Variants in STXBP5 observed in about 807,000 individuals in gnomAD.
The protein encoded by STXBP5 is syntaxin binding protein 5.
In STXBP5, 50 loss-of-function variants were observed where a neutral mutation model predicts 152.4. The ratio of observed to expected loss-of-function variants is 0.33; its 90% CI spans 0.26 to 0.42. The LOEUF (loss-of-function observed/expected upper bound fraction) is 0.42, where lower values mean the gene tolerates loss of function less well. Ranked by LOEUF, STXBP5 falls within the 10% of genes least tolerant of loss-of-function variation. The probability of loss-of-function intolerance (pLI) is 1.00; values close to 1 mark genes in which losing one functional copy is unlikely to be tolerated. For missense variants in STXBP5, 1,167 were observed against 1,388.6 expected (o/e 0.84, Z 2.54); for synonymous variants, 492 against 494.7 (o/e 0.99, Z 0.07).
intron 9 of STXBP5, among the ~76,000 whole-genome samples, chr6:147,300,678 G>GT (rs1195337978): frequency 1.3e-5 from 2 of 152,088 alleles, no homozygotes; most frequent in East Asian, 3.8e-4. Flanking sequence ...AGACTTAAAT[G>GT]TAAGACCTGA....
chr6:147,377,936 A>T (rs1043201684), intron 26 of STXBP5, among the ~76,000 whole-genome samples: 2 of 152,204 alleles, frequency 1.3e-5, no homozygotes, highest in African/African-American at 4.8e-5. Flanking sequence ...AAAAAAAGGA[A>T]TAACACTGAA....
chr6:147,285,906 A>G (rs983784902), intron 8 of STXBP5, among the ~76,000 whole-genome samples: 3 of 152,200 alleles, frequency 2.0e-5, no homozygotes, highest in Non-Finnish European at 4.4e-5. Flanking sequence ...TTTGAACCTA[A>G]ATGTAAAATT....
chr6:147,293,604 A>G (rs979796313), intron 9 of STXBP5, among the ~76,000 whole-genome samples: 1 of 152,200 alleles, frequency 6.6e-6, no homozygotes, highest in Non-Finnish European at 1.5e-5. Flanking sequence ...ATAAAAAGCC[A>G]TCCTTTTATT....
Position 147,260,858 on chromosome 6 carries a change from T to A in STXBP5, c.566+109T>A, listed in dbSNP as rs780745067. 1,137 of 1,323,006 alleles carry A rather than the reference T, an allele frequency of 8.6e-4. 1 individual carries two copies. Among genetic ancestry groups the A allele is most frequent in the Non-Finnish European group, 6.5e-4 (639 of 976,966 alleles). The allele number at this position is 1,323,006 out of a possible 1,614,324, so 82.0% of individuals were successfully genotyped here. A position where few individuals can be genotyped will look rare whatever the true frequency, so the allele number is the denominator to read the frequency against. ...TGTATGGAATTAAATATGTGACAGATGTTCTTAATATTAAGTACAGATTTA... is the reference window on the plus strand; with the variant it reads ...TGTATGGAATTAAATATGTGACAGAAGTTCTTAATATTAAGTACAGATTTA... On this transcript the variant is annotated intron_variant, in intron 5 of 27. Coordinates refer to ENST00000321680, the MANE Select transcript of STXBP5 (RefSeq NM_001127715.4).
In STXBP5 at chr6:147,364,022, G is replaced by T. The variant is rs764292583; in HGVS notation, c.2937G>T (p.Leu979=). 2 of 1,613,778 alleles carry T rather than the reference G, an allele frequency of 1.2e-6. No homozygotes were observed. The highest frequency in any genetic ancestry group is 2.2e-5 in the South Asian group (2 of 91,028). Reference sequence around the variant, plus strand: ...CAAGTTTGCCAAGTTTAAGACCTCTGTTGGATGTGTATTACTTGCCCCTTA... The same window carrying T: ...CAAGTTTGCCAAGTTTAAGACCTCTTTTGGATGTGTATTACTTGCCCCTTA... The part of the protein sequence containing the change: ...MTFSLPSLRP[L]LDVYYLPLTN... The change falls in exon 25 of 28, where the codon CTG becomes CTT. Residue 979 remains leucine, a synonymous_variant. Transcript: ENST00000321680.
chr6:147,208,740 A>G (rs746511451), intron 2 of STXBP5, among the ~76,000 whole-genome samples: 1 of 152,158 alleles, frequency 6.6e-6, no homozygotes, highest in Non-Finnish European at 1.5e-5. Context: ...ACTGATGAAT[A>G]TCTTCCTAAA....
chr6:147,223,763 G>A (rs1046906688), intron 2 of STXBP5, among the ~76,000 whole-genome samples: 2 of 152,188 alleles, frequency 1.3e-5, no homozygotes, highest in African/African-American at 4.8e-5. Flanking sequence ...CTTTGTGGAT[G>A]CTTGTGATAT....
chr6:147,224,944 A>T (rs1447257698), intron 2 of STXBP5, among the ~76,000 whole-genome samples: 2 of 152,210 alleles, frequency 1.3e-5, no homozygotes, highest in East Asian at 3.8e-4. Context: ...GACTTAGGCC[A>T]TTAAAAGTAA....
At position 147,365,775 on chromosome 6, in the gene STXBP5, T is replaced by C. The variant is rs1442609264; in HGVS notation, c.3081+1609T>C. ...AGACTATGATGAACTTGATAAACAC[T>C]ATACCTTGGTTCCCTGAGTACCCTT... On this transcript the variant is annotated intron_variant, in intron 25 of 27. Coordinates refer to ENST00000321680, the MANE Select transcript of STXBP5 (RefSeq NM_001127715.4). 5.3e-5 allele frequency among the ~76,000 whole-genome samples: 8 copies of C among 152,318 alleles called. No individual in the cohort carries two copies. The East Asian group carries it at 1.2e-3, about 22-fold the overall frequency.
chr6:147,215,613 C>T (rs776634890), intron 2 of STXBP5, among the ~76,000 whole-genome samples: 4 of 152,172 alleles, frequency 2.6e-5, no homozygotes, highest in Non-Finnish European at 5.9e-5. Context: ...AACTCGTGAG[C>T]TCAAACCATC....
intron 4 of STXBP5, among the ~76,000 whole-genome samples, chr6:147,242,608 C>T (rs1257612566): frequency 6.6e-6 from 1 of 152,168 alleles, no homozygotes; most frequent in Non-Finnish European, 1.5e-5. Flanking sequence ...TGTTTAGATA[C>T]ACAGATACTT....
At chr6:147,370,518 G>A (rs2128417497) in intron 25 of STXBP5, among the ~76,000 whole-genome samples, 1 of 152,110 alleles carries the variant, frequency 6.6e-6, no homozygotes, top group South Asian at 2.1e-4. Flanking sequence ...TCTTTTTACA[G>A]TATTATTCTT....
At chr6:147,231,562 A>C (rs994246009) in intron 2 of STXBP5, among the ~76,000 whole-genome samples, 3 of 151,920 alleles carry the variant, frequency 2.0e-5, no homozygotes, top group Non-Finnish European at 4.4e-5. Flanking sequence ...TGAAGTTTAG[A>C]GTTACAAGCT....
chr6:147,288,798 C>A (rs935496689), intron 8 of STXBP5, among the ~76,000 whole-genome samples: 1 of 152,156 alleles, frequency 6.6e-6, no homozygotes, highest in African/African-American at 2.4e-5. Context: ...AGGGAAGAAA[C>A]ACTTGAAAGA....
intron 26 of STXBP5, among the ~76,000 whole-genome samples, 172 bp downstream of exon 26, chr6:147,374,014 G>A (rs929343038): frequency 6.6e-6 from 1 of 151,948 alleles, no homozygotes; most frequent in Non-Finnish European, 1.5e-5. Flanking sequence ...TCCCAAATCA[G>A]GGAAATACTT....
At chr6:147,259,985 A>G (rs1221510336) in intron 4 of STXBP5, among the ~76,000 whole-genome samples, 1 of 152,180 alleles carries the variant, frequency 6.6e-6, no homozygotes, top group Non-Finnish European at 1.5e-5. Context: ...ATAGGAAGAA[A>G]TAGTTCAAAT....
chr6:147,356,685 T>C (rs957527236), intron 22 of STXBP5, among the ~76,000 whole-genome samples: 11 of 152,158 alleles, frequency 7.2e-5, no homozygotes, highest in Admixed American at 5.9e-4. Flanking sequence ...ATCAAAGTTA[T>C]GTTGCATATA....
chr6:147,346,802 C>T (rs552458770), intron 21 of STXBP5, among the ~76,000 whole-genome samples: 1 of 151,712 alleles, frequency 6.6e-6, no homozygotes, highest in South Asian at 2.1e-4. Context: ...GACTTAGCCA[C>T]CCACTAAAAA....
chr6:147,278,017 A>C lies in STXBP5; in HGVS notation c.715-64A>C. The C allele has an allele frequency of 2.9e-6, 4 of 1,381,348 alleles. 1 individual carries two copies. The South Asian group carries it at 5.5e-5, about 19-fold the overall frequency. The allele number at this position is 1,381,348 out of a possible 1,614,324, so 85.6% of individuals were successfully genotyped here. ...TTAAAAATGAAAATTAATAGATGAG[A>C]TCATTTACAAATAGTTTACTGTTTA... On this transcript the variant is annotated intron_variant, in intron 7 of 27. Transcript: ENST00000321680.
Sources: allele counts gnomAD v4.1 joint callset (sites outside exome capture counted in the v4.1 genomes callset), GRCh38; gene constraint gnomAD v4.1.1; transcripts MANE v1.5; gene names NCBI Gene and HGNC (gene_info 2026-07-23, HGNC 2026-07-21).